Variants in DPP8 observed in about 807,000 individuals in gnomAD.
DPP8 encodes DPP VIII.
Under a neutral mutation model 107.5 loss-of-function variants are expected in DPP8, and 31 were observed. The observed-to-expected ratio is 0.29, with a 90% CI of 0.22 to 0.39. The LOEUF (loss-of-function observed/expected upper bound fraction) is 0.39. DPP8 is among the 10% of genes least tolerant of loss of function. The probability of loss-of-function intolerance (pLI) is 1.00; values close to 1 mark genes in which losing one functional copy is unlikely to be tolerated. For synonymous variants in DPP8, 381 were observed against 356.6 expected, an observed-to-expected ratio of 1.07 and a Z score of -0.77; for missense variants, 842 against 1,076.1, an observed-to-expected ratio of 0.78 and a Z score of 3.04.
chr15:65,496,316 G>A (rs890839749), intron 5 of DPP8, among the ~76,000 whole-genome samples: 4 of 152,062 alleles, frequency 2.6e-5, no homozygotes, highest in African/African-American at 9.7e-5. Flanking sequence ...TGATGATGAT[G>A]AGGGGATAAT....
intron 7 of DPP8, 96 bp downstream of exon 7, chr15:65,487,594 G>T: frequency 2.5e-6 from 3 of 1,190,186 alleles, no homozygotes; most frequent in South Asian, 2.8e-5. Flanking sequence ...GGCTGGAAAT[G>T]ACCAATGTTG....
At chr15:65,484,707 G>C (rs1220720716) in intron 8 of DPP8, among the ~76,000 whole-genome samples, 2 of 148,278 alleles carry the variant, frequency 1.3e-5, no homozygotes, top group African/African-American at 5.0e-5. Context: ...ACCTAGTCTT[G>C]TGTGCATGCA....
At chr15:65,509,130 T>C (rs2070437758) in intron 2 of DPP8, among the ~76,000 whole-genome samples, 1 of 152,316 alleles carries the variant, frequency 6.6e-6, no homozygotes, top group African/African-American at 2.4e-5. Flanking sequence ...TAAAAAGTTA[T>C]ATATCAGCTG....
chr15:65,494,238 T>C (rs1016300214), intron 5 of DPP8, among the ~76,000 whole-genome samples: 2 of 146,600 alleles, frequency 1.4e-5, no homozygotes, highest in African/African-American at 5.1e-5. Flanking sequence ...ACTCCAAGTC[T>C]GGAGTGCAGT....
intron 1 of DPP8, among the ~76,000 whole-genome samples, chr15:65,515,393 T>C (rs891289327): frequency 6.6e-6 from 1 of 152,224 alleles, no homozygotes; most frequent in African/African-American, 2.4e-5. Context: ...GTCCAAATGA[T>C]GGTCTCCTAT....
intron 12 of DPP8, among the ~76,000 whole-genome samples, chr15:65,470,195 C>CA (rs11310623): frequency 0.031 from 1,811 of 58,188 alleles, 67 homozygotes; most frequent in Non-Finnish European, 0.045. Context: ...ACTCTTGTCT[C>CA]AAAAAAAAAA....
Position 65,512,566 on chromosome 15 carries a change from T to C in DPP8, c.-11-2A>G. 1 of 1,613,854 alleles carries C rather than the reference T, an allele frequency of 6.2e-7. No individual in the cohort carries two copies. The highest frequency in any genetic ancestry group is 8.5e-7 in the Non-Finnish European group (1 of 1,179,924). On this transcript the variant is annotated splice_acceptor_variant, in intron 1 of 19. Coordinates refer to ENST00000300141, the MANE Select transcript of DPP8 (RefSeq NM_130434.5). LOFTEE classifies it low-confidence loss of function (5UTR_SPLICE). ...TTGCTGCTGCCATGTTGCATTTTCC[T>C]AGAAAAACAAGGCACATGAAGCTGT...
At chr15:65,490,900 C>G (rs1261630073) in intron 5 of DPP8, among the ~76,000 whole-genome samples, 1 of 152,118 alleles carries the variant, frequency 6.6e-6, no homozygotes, top group East Asian at 1.9e-4. Flanking sequence ...TGGCTCATGC[C>G]TGTAATCCCA....
At chr15:65,462,901 A>G (rs903901030) in intron 15 of DPP8, among the ~76,000 whole-genome samples, 1 of 152,164 alleles carries the variant, frequency 6.6e-6, no homozygotes, top group African/African-American at 2.4e-5. Context: ...TCCAATAGTC[A>G]AAGCATTTAC....
intron 14 of DPP8, among the ~76,000 whole-genome samples, chr15:65,464,681 C>T (rs979867636): frequency 6.6e-6 from 1 of 152,180 alleles, no homozygotes; most frequent in Non-Finnish European, 1.5e-5. Flanking sequence ...CAGAACAAGA[C>T]ACTGTCTCGA....
intron 19 of DPP8, among the ~76,000 whole-genome samples, chr15:65,448,874 A>ATGTG (rs1247561677): frequency 2.5e-4 from 3 of 12,022 alleles, no homozygotes; most frequent in South Asian, 2.0e-3. Context: ...AAATATATAT[A>ATGTG]TATATATATA....
At chr15:65,481,071 G>A (rs1206729786) in intron 9 of DPP8, among the ~76,000 whole-genome samples, 6 of 142,926 alleles carry the variant, frequency 4.2e-5, no homozygotes, top group Non-Finnish European at 7.5e-5. Context: ...GTGACAAAGC[G>A]AGACCATGAC....
At chr15:65,454,465 G>T in intron 16 of DPP8, 50 bp from the exon 17 acceptor site, 1 of 1,472,534 alleles carries the variant, frequency 6.8e-7, no homozygotes, top group Non-Finnish European at 9.1e-7. Context: ...TAAAAGTCTC[G>T]TAAGAGTGCT....
At position 65,466,665 on chromosome 15, in the gene DPP8, G is replaced by GA. The variant is rs1278365096; in HGVS notation, c.1825+12dup. 1 of 1,612,440 alleles carries GA rather than the reference G, an allele frequency of 6.2e-7. No homozygotes were observed. The highest frequency in any genetic ancestry group is 8.5e-7 in the Non-Finnish European group (1 of 1,178,818). On this transcript the variant is annotated intron_variant, in intron 14 of 19. Coordinates refer to ENST00000300141, the MANE Select transcript of DPP8 (RefSeq NM_130434.5). The stretch of plus-strand genomic sequence containing the variant: ...TCCTACTTAACGTCAGGATCAGGGG[G>GA]AAAAAAGAATACCTGCTGAATCCAA...
intron 12 of DPP8, among the ~76,000 whole-genome samples, chr15:65,469,304 G>T (rs1230615666): frequency 6.6e-6 from 1 of 151,770 alleles, no homozygotes; most frequent in African/African-American, 2.4e-5. Context: ...AAGTTCCCAG[G>T]TGATGCTGAC....
At chr15:65,463,348 G>A (rs1165757417) in intron 15 of DPP8, among the ~76,000 whole-genome samples, 1 of 152,170 alleles carries the variant, frequency 6.6e-6, no homozygotes, top group Non-Finnish European at 1.5e-5. Flanking sequence ...AGACCAGCCT[G>A]ACCAACATGG....
At chr15:65,455,795 A>C in intron 16 of DPP8, 2 of 1,289,616 alleles carry the variant, frequency 1.6e-6, no homozygotes, top group Non-Finnish European at 2.0e-6. Flanking sequence ...TTCCCAAAGC[A>C]GCAGAAAGGA....
intron 19 of DPP8, among the ~76,000 whole-genome samples, chr15:65,448,042 T>C (rs1439541181): frequency 6.6e-6 from 1 of 152,180 alleles, no homozygotes; most frequent in African/African-American, 2.4e-5. Context: ...CACACTTTAC[T>C]GTGACAGAGT....
At chr15:65,470,919 C>CAAAAAAAAAAAAAAAAAAAAAAAA (rs773144225) in intron 12 of DPP8, among the ~76,000 whole-genome samples, 2 of 110,762 alleles carry the variant, frequency 1.8e-5, no homozygotes, top group African/African-American at 3.4e-5. Context: ...ACTCTTATCT[C>CAAAAAAAAAAAAAAAAAAAAAAAA]AAAAAAAAAA....
Sources: gnomAD v4.1 joint callset for allele counts (sites outside exome capture counted in the v4.1 genomes callset) on GRCh38, gnomAD v4.1.1 for gene constraint, MANE v1.5 for transcripts, NCBI Gene and HGNC (gene_info 2026-07-23, HGNC 2026-07-21) for gene names.